Variants in SFRP5 observed in about 807,000 individuals in gnomAD.
SFRP5 encodes the protein secreted frizzled related protein 5.
SFRP5 carries 22 observed loss-of-function variants against 27.0 expected under a neutral mutation model. That is an observed-to-expected ratio of 0.82 (90% confidence interval 0.58 to 1.17). The LOEUF is 1.17. SFRP5 is among the 50% of genes most tolerant of loss of function. SFRP5 has a pLI of 0.00. For synonymous variants in SFRP5, 171 were observed against 195.0 expected (o/e 0.88, Z 1.03); for missense variants, 406 against 436.6 (o/e 0.93, Z 0.63).
chr10:97,771,523 G>GT lies in SFRP5; in HGVS notation c.310dup (p.Thr104AsnfsTer45). 1 of 1,610,260 alleles carries GT rather than the reference G, an allele frequency of 6.2e-7. No homozygotes were observed. Among genetic ancestry groups the GT allele is most frequent in the South Asian group, 1.1e-5 (1 of 90,940 alleles). On this transcript the variant is annotated frameshift_variant, in exon 1 of 3. Transcript: ENST00000266066. LOFTEE classifies it high-confidence loss of function. This position sits in a 1 kb window ranked among gnomAD's most constrained non-coding sequence, Gnocchi z 5.2. ...AAAGAGCGAGCACAGGAAGACCTGCGTATCCGAGTGGCAGCGCTTGGCCAG... is the reference window on the plus strand; with the variant it reads ...AAAGAGCGAGCACAGGAAGACCTGCGTTATCCGAGTGGCAGCGCTTGGCCAG...
chr10:97,771,678 C>T lies in SFRP5; in HGVS notation c.156G>A (p.Gln52=). ...LHGRSYSKPP[Q]CLDIPADLPL... is the part of the protein sequence containing the mutation. ...GCAGGTCGGCAGGGATGTCAAGGCA[C>T]TGCGGCGGCTTGGAGTAGGAGCGGC... Residue 52 remains glutamine, a synonymous_variant, in exon 1 of 3, where the codon CAG becomes CAA. Transcript: ENST00000266066. This position sits in a 1 kb window ranked among gnomAD's most constrained non-coding sequence, Gnocchi z 5.2. 6.2e-7 allele frequency: 1 copy of T among 1,601,256 alleles called. No individual in the cohort carries two copies. The highest frequency in any genetic ancestry group is 2.2e-5 in the East Asian group (1 of 44,842).
chr10:97,768,493 C>T (rs894922414), intron 2 of SFRP5, among the ~76,000 whole-genome samples: 4 of 152,072 alleles, frequency 2.6e-5, no homozygotes, highest in Admixed American at 6.5e-5. Context: ...CATAACTGAC[C>T]GCATGACTGG....
In SFRP5 at chr10:97,771,396, C is replaced by T. The variant is rs139922168; in HGVS notation, c.438G>A (p.Trp146Ter). 5 of 1,612,648 alleles carry T rather than the reference C, an allele frequency of 3.1e-6. No individual in the cohort carries two copies. The African/African-American group carries it at 4.0e-5, about 13-fold the overall frequency. ...APLMEAYGFP[W>*]PEMLHCHKFP... is the part of the protein sequence containing the mutation. Reference sequence around the variant, plus strand: ...ACTTGTGGCAGTGCAGCATCTCAGGCCAGGGGAAGCCGTAGGCCTCCATGA... The same window carrying T: ...ACTTGTGGCAGTGCAGCATCTCAGGTCAGGGGAAGCCGTAGGCCTCCATGA... The change falls in exon 1 of 3, where the codon TGG becomes TGA. Residue 146 changes from tryptophan to a stop codon, truncating the protein, a stop_gained. Transcript: ENST00000266066. LOFTEE classifies it high-confidence loss of function. The surrounding 1 kb of genome is among the most constrained non-coding windows in gnomAD (Gnocchi z 5.2).
intron 2 of SFRP5, 147 bp downstream of exon 2, chr10:97,769,521 G>T: frequency 1.6e-6 from 1 of 633,948 alleles, no homozygotes; most frequent in South Asian, 1.8e-5. Flanking sequence ...AGGGTTTATG[G>T]TTATAATTGG....
rs770297226 is a variant in SFRP5, at chr10:97,767,554, A to T, written c.914T>A (p.Leu305His). Residue 305 changes from leucine to histidine, a missense_variant, in exon 3 of 3, where the codon CTC (leucine) becomes CAC (histidine). Coordinates refer to ENST00000266066, the MANE Select transcript of SFRP5 (RefSeq NM_003015.3). ...VKFMFSYPCS[L>H]YYPFFYGAAE... ...CGCCCCGTAGAAGAAAGGGTAGTAGAGGGAGCAGGGGTAGGAGAACATGAA... is the reference window on the plus strand; with the variant it reads ...CGCCCCGTAGAAGAAAGGGTAGTAGTGGGAGCAGGGGTAGGAGAACATGAA... 4 of 1,613,130 alleles carry T rather than the reference A, an allele frequency of 2.5e-6. No homozygotes were observed. The highest frequency in any genetic ancestry group is 1.1e-5 in the South Asian group (1 of 91,046).
Position 97,767,395 on chromosome 10 carries a change from C to A in SFRP5, c.*119G>T. On this transcript the variant is annotated 3_prime_UTR_variant, in exon 3 of 3. Coordinates refer to ENST00000266066, the MANE Select transcript of SFRP5 (RefSeq NM_003015.3). ...CTGGGCTCCGTGCCCATCCCTTAGGCCTTGTGCCAGTAACAACATTCGTGA... is the reference window on the plus strand; with the variant it reads ...CTGGGCTCCGTGCCCATCCCTTAGGACTTGTGCCAGTAACAACATTCGTGA... 1 of 767,382 alleles carries A rather than the reference C, an allele frequency of 1.3e-6. No individual in the cohort carries two copies. The allele number at this position is 767,382 out of a possible 1,614,324, so 47.5% of individuals were successfully genotyped here.
chr10:97,767,759 G>A lies in SFRP5; in HGVS notation c.709C>T (p.Arg237Cys), dbSNP rs200830044. The change falls in exon 3 of 3, where the codon CGC becomes TGC. Residue 237 changes from arginine to cysteine, a missense_variant. Physicochemically the swap from Arg to Cys is radical, Grantham distance 180. Transcript: ENST00000266066. ...AGCACCAGCCGCTTGGTGTCCTTGC[G>A]CTTCAGGGGGCCCGGCTTGAGCAGC... is the stretch of plus-strand genomic sequence containing the variant. ...KKLLKPGPLK[R>C]KDTKRLVLHM... The A allele has an allele frequency of 1.4e-5, 23 of 1,598,108 alleles. No individual in the cohort carries two copies. The highest frequency in any genetic ancestry group is 2.2e-5 in the East Asian group (1 of 44,672).
chr10:97,771,492 G>C lies in SFRP5; in HGVS notation c.342C>G (p.Pro114=). Residue 114 remains proline, a synonymous_variant, in exon 1 of 3, where the codon CCC becomes CCG. Coordinates refer to ENST00000266066, the MANE Select transcript of SFRP5 (RefSeq NM_003015.3). This position sits in a 1 kb window ranked among gnomAD's most constrained non-coding sequence, Gnocchi z 5.2. ...TQVFLCSLFA[P]VCLDRPIYPC... ...GGTAGATGGGCCGGTCGAGACAGAC[G>C]GGCGCAAAGAGCGAGCACAGGAAGA... The C allele has an allele frequency of 6.2e-7, 1 of 1,610,814 alleles. No homozygotes were observed. Among genetic ancestry groups the C allele is most frequent in the Non-Finnish European group, 8.5e-7 (1 of 1,177,736 alleles).
chr10:97,770,410 C>T (rs1421269390), intron 1 of SFRP5, among the ~76,000 whole-genome samples: 6 of 152,072 alleles, frequency 3.9e-5, no homozygotes, highest in Non-Finnish European at 5.9e-5. Flanking sequence ...AGGCCCAGAG[C>T]GGTTACTCAA....
At chr10:97,769,837 C>T in intron 1 of SFRP5, 92 bp from the exon 2 acceptor site, 1 of 795,388 alleles carries the variant, frequency 1.3e-6, no homozygotes, top group Non-Finnish European at 2.2e-6. Flanking sequence ...CCTCACTGAC[C>T]AGCCACTTCC....
chr10:97,768,085 G>A (rs1456464026), intron 2 of SFRP5, among the ~76,000 whole-genome samples: 1 of 152,102 alleles, frequency 6.6e-6, no homozygotes, highest in Non-Finnish European at 1.5e-5. Context: ...ACAGAAGAGG[G>A]GAATTGAGGG....
At position 97,771,632 on chromosome 10, in the gene SFRP5, AGCCCACCGTGTG is replaced by A; in HGVS notation, c.190_201del (p.His64_Gly67del). ...AGGTTGGGCAGCCGCATGCGCTTGT[AGCCCACCGTGTG>A]GCAGAGCGGCAGGTCGGCAGGGATG... On this transcript the variant is annotated inframe_deletion, in exon 1 of 3. Coordinates refer to ENST00000266066, the MANE Select transcript of SFRP5 (RefSeq NM_003015.3). This position sits in a 1 kb window ranked among gnomAD's most constrained non-coding sequence, Gnocchi z 5.2. 1.2e-6 allele frequency: 2 copies of A among 1,608,530 alleles called. No individual in the cohort carries two copies. The highest frequency in any genetic ancestry group is 1.7e-6 in the Non-Finnish European group (2 of 1,179,660).
chr10:97,771,270 G>A lies in SFRP5; in HGVS notation c.529+35C>T, dbSNP rs1398200704. The A allele has an allele frequency of 6.9e-7, 1 of 1,456,058 alleles. No homozygotes were observed. Among genetic ancestry groups the A allele is most frequent in the Non-Finnish European group, 9.2e-7 (1 of 1,085,080 alleles). 90.2% of individuals were successfully genotyped at this position (1,456,058 alleles called of 1,614,324 possible). ...GCTGTGCTAGGGGAGCTGCAGGGCCGTCGGAGCGCGCGGGGACGGCGGCGG... is the reference window on the plus strand; with the variant it reads ...GCTGTGCTAGGGGAGCTGCAGGGCCATCGGAGCGCGCGGGGACGGCGGCGG... On this transcript the variant is annotated intron_variant, in intron 1 of 2. Coordinates refer to ENST00000266066, the MANE Select transcript of SFRP5 (RefSeq NM_003015.3). This position sits in a 1 kb window ranked among gnomAD's most constrained non-coding sequence, Gnocchi z 5.2.
In SFRP5 at chr10:97,771,466, G is replaced by A. The variant is rs374250918; in HGVS notation, c.368C>T (p.Pro123Leu). 8.7e-6 allele frequency: 14 copies of A among 1,612,354 alleles called. No homozygotes were observed. Among genetic ancestry groups the A allele is most frequent in the African/African-American group, 6.7e-5 (5 of 74,872 alleles). The change falls in exon 1 of 3, where the codon CCG becomes CTG. Residue 123 changes from proline (P) to leucine (L), a missense_variant. Coordinates refer to ENST00000266066, the MANE Select transcript of SFRP5 (RefSeq NM_003015.3). The surrounding 1 kb of genome is among the most constrained non-coding windows in gnomAD (Gnocchi z 5.2). ...APVCLDRPIY[P>L]CRSLCEAVRA... ...CACGGCCTCGCACAGCGAGCGGCAC[G>A]GGTAGATGGGCCGGTCGAGACAGAC...
chr10:97,769,597 T>C lies in SFRP5; in HGVS notation c.607+71A>G, dbSNP rs537829433. The C allele has an allele frequency of 4.3e-5, 45 of 1,051,290 alleles. No homozygotes were observed. The South Asian group carries it at 5.9e-4, about 14-fold the overall frequency. 65.1% of individuals were successfully genotyped at this position (1,051,290 alleles called of 1,614,324 possible). On this transcript the variant is annotated intron_variant, in intron 2 of 2. Coordinates refer to ENST00000266066, the MANE Select transcript of SFRP5 (RefSeq NM_003015.3). ...ACTGTGATGGATGTGGGCATGTATGTTCCCGTGTGCGTCAAGAAAGAGGGG... is the reference window on the plus strand; with the variant it reads ...ACTGTGATGGATGTGGGCATGTATGCTCCCGTGTGCGTCAAGAAAGAGGGG...
At position 97,771,364 on chromosome 10, in the gene SFRP5, A is replaced by G; in HGVS notation, c.470T>C (p.Leu157Pro). Reference protein sequence around the residue: ...PEMLHCHKFPLDNDLCIAVQF... With the variant: ...PEMLHCHKFPPDNDLCIAVQF... ...CACGGCGATGCAGAGGTCGTTGTCC[A>G]GGGGGAACTTGTGGCAGTGCAGCAT... Residue 157 changes from leucine to proline, a missense_variant, in exon 1 of 3, where the codon CTG (leucine) becomes CCG (proline). By Grantham distance (98) the Leu-to-Pro change is moderately conservative. Transcript: ENST00000266066. This position sits in a 1 kb window ranked among gnomAD's most constrained non-coding sequence, Gnocchi z 5.2. 1 of 1,610,650 alleles carries G rather than the reference A, an allele frequency of 6.2e-7. No individual in the cohort carries two copies. The highest frequency in any genetic ancestry group is 8.5e-7 in the Non-Finnish European group (1 of 1,178,660).
chr10:97,771,430 CAGCCGGCGCG>C lies in SFRP5; in HGVS notation c.394_403del (p.Arg132AlafsTer43). On this transcript the variant is annotated frameshift_variant, in exon 1 of 3. Coordinates refer to ENST00000266066, the MANE Select transcript of SFRP5 (RefSeq NM_003015.3). LOFTEE classifies it high-confidence loss of function. This position sits in a 1 kb window ranked among gnomAD's most constrained non-coding sequence, Gnocchi z 5.2. ...GCCGTAGGCCTCCATGAGCGGCGCG[CAGCCGGCGCG>C]CACGGCCTCGCACAGCGAGCGGCAC... The C allele has an allele frequency of 6.2e-7, 1 of 1,613,002 alleles. No homozygotes were observed. Among genetic ancestry groups the C allele is most frequent in the Non-Finnish European group, 8.5e-7 (1 of 1,179,552 alleles).
At position 97,771,652 on chromosome 10, in the gene SFRP5, G is replaced by C. The variant is rs528874507; in HGVS notation, c.182C>G (p.Pro61Arg). 3.1e-6 allele frequency: 5 copies of C among 1,604,744 alleles called. No homozygotes were observed. Among genetic ancestry groups the C allele is most frequent in the Non-Finnish European group, 3.4e-6 (4 of 1,179,640 alleles). ...CTTGTAGCCCACCGTGTGGCAGAGC[G>C]GCAGGTCGGCAGGGATGTCAAGGCA... ...PQCLDIPADL[P>R]LCHTVGYKRM... is the part of the protein sequence containing the mutation. Residue 61 changes from proline to arginine, a missense_variant, in exon 1 of 3, where the codon CCG (proline) becomes CGG (arginine). Pro to Arg is a moderately radical substitution (Grantham distance 103, BLOSUM62 -2). Coordinates refer to ENST00000266066, the MANE Select transcript of SFRP5 (RefSeq NM_003015.3). This position sits in a 1 kb window ranked among gnomAD's most constrained non-coding sequence, Gnocchi z 5.2.
In SFRP5 at chr10:97,771,866, C is replaced by T; in HGVS notation, c.-33G>A. 6.8e-6 allele frequency: 7 copies of T among 1,024,816 alleles called. No homozygotes were observed. The highest frequency in any genetic ancestry group is 5.8e-6 in the Non-Finnish European group (5 of 856,614). The allele number at this position is 1,024,816 out of a possible 1,614,324, so 63.5% of individuals were successfully genotyped here. On this transcript the variant is annotated 5_prime_UTR_variant, in exon 1 of 3. Transcript: ENST00000266066. The surrounding 1 kb of genome is among the most constrained non-coding windows in gnomAD (Gnocchi z 5.2). The stretch of plus-strand genomic sequence containing the variant: ...CCCTCTCCAGGTGCGCGCCGCGCAG[C>T]CCCCCGACGCTCGGTGCCCGGCGGC...
Sources: allele counts gnomAD v4.1 joint callset (sites outside exome capture counted in the v4.1 genomes callset), GRCh38; gene constraint gnomAD v4.1.1; non-coding constraint Gnocchi (gnomAD v3.1); transcripts MANE v1.5; gene names NCBI Gene and HGNC (gene_info 2026-07-23, HGNC 2026-07-21).